ZMYM4: variants seen among roughly 807,000 people sequenced by gnomAD.
ZMYM4 encodes zinc finger MYM-type containing 4, also known as zinc finger MYM-type protein 4.
ZMYM4 carries 31 observed loss-of-function variants against 183.2 expected under a neutral mutation model. The ratio of observed to expected loss-of-function variants is 0.17; its 90% CI spans 0.13 to 0.23. The LOEUF (loss-of-function observed/expected upper bound fraction) is 0.23, where lower values mean the gene tolerates loss of function less well. Among genes scored for constraint, ZMYM4 ranks in the 10% least tolerant of loss-of-function variants. The pLI, the probability that ZMYM4 is intolerant of heterozygous loss-of-function variation, is 1.00. For synonymous variants in ZMYM4, 592 were observed against 631.2 expected, an observed-to-expected ratio of 0.94 and a Z score of 0.93; for missense variants, 1,273 against 1,840.3, an observed-to-expected ratio of 0.69 and a Z score of 5.64.
At chr1:35,382,545 C>T (rs1014651888) in intron 9 of ZMYM4, among the ~76,000 whole-genome samples, 1 of 151,056 alleles carries the variant, frequency 6.6e-6, no homozygotes, top group African/African-American at 2.4e-5. Flanking sequence ...CTGGTTCAAG[C>T]GATTCTCCTG....
chr1:35,312,291 T>C (rs2148785879), intron 1 of ZMYM4, among the ~76,000 whole-genome samples: 1 of 152,334 alleles, frequency 6.6e-6, no homozygotes, highest in Non-Finnish European at 1.5e-5. Context: ...TTTCAGCCAT[T>C]ATTTCTTCAG....
chr1:35,381,110 C>T, intron 7 of ZMYM4, 149 bp from the exon 8 acceptor site: 5 of 603,412 alleles, frequency 8.3e-6, no homozygotes, highest in Non-Finnish European at 1.3e-5. Flanking sequence ...TTTTAAGTGT[C>T]TCCCAGAAAA....
chr1:35,421,476 G>A lies in ZMYM4; in HGVS notation c.*1799G>A, dbSNP rs191861229. On this transcript the variant is annotated 3_prime_UTR_variant, in exon 30 of 30. Coordinates refer to ENST00000314607, the MANE Select transcript of ZMYM4 (RefSeq NM_005095.3). ...GCAAGTGTAATAGTCCCCACTATAC[G>A]AATTTTATGGTTTGTATAAACACTA... 1.3e-5 allele frequency: 2 copies of A among 152,624 alleles called. No individual in the cohort carries two copies. The highest frequency in any genetic ancestry group is 4.8e-5 in the African/African-American group (2 of 41,530). The allele number at this position is 152,624 out of a possible 1,614,324, so 9.5% of individuals were successfully genotyped here. A position where few individuals can be genotyped will look rare whatever the true frequency, so the allele number is the denominator to read the frequency against.
chr1:35,289,157 T>A (rs1640642168), intron 1 of ZMYM4, among the ~76,000 whole-genome samples: 1 of 152,206 alleles, frequency 6.6e-6, no homozygotes, highest in Non-Finnish European at 1.5e-5. Context: ...GTAGGAAGAA[T>A]AGATAATTCT....
At chr1:35,297,860 C>T (rs1341489462) in intron 1 of ZMYM4, among the ~76,000 whole-genome samples, 1 of 152,174 alleles carries the variant, frequency 6.6e-6, no homozygotes, top group Non-Finnish European at 1.5e-5. Context: ...GTGTGCCTGT[C>T]TCCTATGACC....
At chr1:35,380,519 G>T (rs1644433220) in intron 7 of ZMYM4, among the ~76,000 whole-genome samples, 1 of 152,036 alleles carries the variant, frequency 6.6e-6, no homozygotes, top group African/African-American at 2.4e-5. Flanking sequence ...AGAGAGACGG[G>T]GTTTCACCGT....
chr1:35,410,052 G>A (rs1443021892), intron 26 of ZMYM4, among the ~76,000 whole-genome samples: 1 of 152,108 alleles, frequency 6.6e-6, no homozygotes, highest in African/African-American at 2.4e-5. Flanking sequence ...TCCAATCACG[G>A]CATCATATGA....
intron 6 of ZMYM4, 81 bp downstream of exon 6, chr1:35,370,194 C>T (rs1644174213): frequency 6.5e-7 from 1 of 1,545,750 alleles, no homozygotes; most frequent in Non-Finnish European, 8.8e-7. Context: ...TATTAATAAA[C>T]CAGGCAGCTC....
At chr1:35,353,490 CATTTTTTA>C (rs1643704361) in intron 2 of ZMYM4, among the ~76,000 whole-genome samples, 4 of 152,158 alleles carry the variant, frequency 2.6e-5, no homozygotes, top group Non-Finnish European at 5.9e-5. Context: ...TCTCTTTTCT[CATTTTTTA>C]ATCACTCTTC....
At chr1:35,347,651 C>T (rs1643448432) in intron 2 of ZMYM4, among the ~76,000 whole-genome samples, 1 of 151,882 alleles carries the variant, frequency 6.6e-6, no homozygotes, top group Non-Finnish European at 1.5e-5. Context: ...GATGAAAATA[C>T]AGATTTTTGT....
chr1:35,357,095 G>A (rs988575805), intron 2 of ZMYM4, among the ~76,000 whole-genome samples: 1 of 152,188 alleles, frequency 6.6e-6, no homozygotes, highest in Admixed American at 6.5e-5. Context: ...TTGCTATGTT[G>A]CCCAGGCTGG....
Position 35,389,682 on chromosome 1 carries a change from G to A in ZMYM4, c.2437-266G>A, listed in dbSNP as rs1413182777. 6.6e-6 allele frequency among the ~76,000 whole-genome samples: 1 copy of A among 151,550 alleles called. No homozygotes were observed. On this transcript the variant is annotated intron_variant, in intron 14 of 29. Transcript: ENST00000314607. This position sits in a 1 kb window ranked among gnomAD's most constrained non-coding sequence, Gnocchi z 4.0. ...AGGCAGGAGAATTGCATGAACCCAGGAGGTGGAGCTTGCAGTGAGCTGAGA... is the reference window on the plus strand; with the variant it reads ...AGGCAGGAGAATTGCATGAACCCAGAAGGTGGAGCTTGCAGTGAGCTGAGA...
chr1:35,300,090 C>T (rs916610179), intron 1 of ZMYM4, among the ~76,000 whole-genome samples: 2 of 152,042 alleles, frequency 1.3e-5, no homozygotes, highest in South Asian at 2.1e-4. Context: ...CCACTATGCC[C>T]GGCAACAGAG....
chr1:35,296,536 TC>T (rs1392231270), intron 1 of ZMYM4, among the ~76,000 whole-genome samples: 3 of 152,202 alleles, frequency 2.0e-5, no homozygotes, highest in African/African-American at 7.2e-5. Flanking sequence ...TAAAACTGTT[TC>T]CATTGTGTGT....
chr1:35,341,809 T>C (rs551460998), intron 2 of ZMYM4, among the ~76,000 whole-genome samples: 2 of 152,264 alleles, frequency 1.3e-5, no homozygotes, highest in East Asian at 3.9e-4. Flanking sequence ...TATTTTGTCA[T>C]TGGGGGCTGA....
chr1:35,352,261 G>A lies in ZMYM4; in HGVS notation c.86-6664G>A, dbSNP rs1044674428. Among the ~76,000 whole-genome samples the A allele has an allele frequency of 9.5e-4, 59 of 62,054 alleles. 1 individual carries two copies. Among genetic ancestry groups the A allele is most frequent in the African/African-American group, 6.2e-3 (53 of 8,542 alleles). The allele number at this position is 62,054 out of a possible 152,430, so 40.7% of individuals were successfully genotyped here. A position where few individuals can be genotyped will look rare whatever the true frequency, so the allele number is the denominator to read the frequency against. Reference sequence around the variant, plus strand: ...TAATAATTTAAAAATTAGCGCGCACGCGCGCGCGCACACACACACACACAC... The same window carrying A: ...TAATAATTTAAAAATTAGCGCGCACACGCGCGCGCACACACACACACACAC... On this transcript the variant is annotated intron_variant, in intron 2 of 29. Transcript: ENST00000314607.
chr1:35,379,223 CCCAAGTAG>C (rs1644398766), intron 7 of ZMYM4, among the ~76,000 whole-genome samples: 1 of 152,198 alleles, frequency 6.6e-6, no homozygotes, highest in African/African-American at 2.4e-5. Flanking sequence ...GCCTCAGCCT[CCCAAGTAG>C]CTCAGACTAC....
intron 1 of ZMYM4, among the ~76,000 whole-genome samples, chr1:35,290,635 G>T (rs982949535): frequency 3.3e-5 from 5 of 151,802 alleles, no homozygotes; most frequent in African/African-American, 1.2e-4. Context: ...TTGCTATGTT[G>T]CCCAGGCTGG....
At chr1:35,407,588 C>G (rs927884001) in intron 25 of ZMYM4, among the ~76,000 whole-genome samples, 5 of 152,164 alleles carry the variant, frequency 3.3e-5, no homozygotes, top group African/African-American at 9.7e-5. Flanking sequence ...CCAGTGTTCT[C>G]CAGCTCTCAC....
Sources: gnomAD v4.1 joint callset for allele counts (sites outside exome capture counted in the v4.1 genomes callset) on GRCh38, gnomAD v4.1.1 for gene constraint, Gnocchi (gnomAD v3.1) non-coding constraint, MANE v1.5 for transcripts, NCBI Gene and HGNC (gene_info 2026-07-23, HGNC 2026-07-21) for gene names.